The following PHF20L1 variants were observed in gnomAD, a reference collection of about 807,000 sequenced individuals.
The protein encoded by PHF20L1 is PHD finger protein 20 like 1.
A neutral mutation model predicts 125.5 loss-of-function variants in PHF20L1; 44 were observed. The observed-to-expected ratio is 0.35, with a 90% CI of 0.28 to 0.45. The LOEUF is 0.45. Ranked by LOEUF, PHF20L1 falls within the 20% of genes least tolerant of loss-of-function variation. PHF20L1 has a pLI of 1.00. For missense variants in PHF20L1, 1,012 were observed against 1,217.2 expected, an observed-to-expected ratio of 0.83 and a Z score of 2.51; for synonymous variants, 380 against 403.1, an observed-to-expected ratio of 0.94 and a Z score of 0.69.
At chr8:132,810,792 G>A (rs770120641) in intron 8 of PHF20L1, 19 of 401,854 alleles carry the variant, frequency 4.7e-5, no homozygotes, top group African/African-American at 3.7e-4. Context: ...GTGTGTGCAA[G>A]TGTGTGTTTT....
chr8:132,811,863 G>T, intron 9 of PHF20L1: 3 of 980,750 alleles, frequency 3.1e-6, no homozygotes, highest in Non-Finnish European at 3.6e-6. Context: ...GAGCCTTAAT[G>T]TAGTTTTAAT....
intron 2 of PHF20L1, among the ~76,000 whole-genome samples, chr8:132,792,848 A>G (rs889784898): frequency 1.3e-5 from 2 of 152,076 alleles, no homozygotes; most frequent in African/African-American, 2.4e-5. Context: ...CTCTAGTAAC[A>G]CTGAATGCTT....
rs1023035922 is a variant in PHF20L1 at position 132,777,833 on chromosome 8, G to C, written c.5G>C (p.Ser2Thr). 1.2e-6 allele frequency: 2 copies of C among 1,610,436 alleles called. No individual in the cohort carries two copies. Among genetic ancestry groups the C allele is most frequent in the Non-Finnish European group, 1.7e-6 (2 of 1,176,870 alleles). ...ACTGAAGAATAGGATCTCAAGATGA[G>C]TAAAAAGCCCCCAAATCGCCCTGGA... Reference protein sequence around the residue: MSKKPPNRPGIT... With the variant: MTKKPPNRPGIT... Residue 2 changes from serine to threonine, a missense_variant, in exon 2 of 21, where the codon AGT becomes ACT. This residue lies in a region of PHF20L1 where 94 missense variants were observed against 179.5 expected (regional missense o/e 0.52). Coordinates refer to ENST00000395386, the MANE Select transcript of PHF20L1 (RefSeq NM_016018.5).
intron 19 of PHF20L1, chr8:132,843,368 C>T (rs928495508): frequency 5.8e-5 from 57 of 978,814 alleles, no homozygotes; most frequent in Non-Finnish European, 6.7e-5. Context: ...AACTTATTTC[C>T]TGTTCACTGG....
At chr8:132,784,026 T>G (rs921084704) in intron 2 of PHF20L1, among the ~76,000 whole-genome samples, 13 of 152,140 alleles carry the variant, frequency 8.5e-5, no homozygotes, top group Non-Finnish European at 1.8e-4. Context: ...TGCACAAACA[T>G]TTTACTTCTT....
chr8:132,811,684 A>C, intron 9 of PHF20L1: 3 of 985,366 alleles, frequency 3.0e-6, no homozygotes, highest in Non-Finnish European at 3.6e-6. Flanking sequence ...TGAAGGTTGC[A>C]GTTGCTAGAT....
chr8:132,787,879 T>A (rs1265545930), intron 2 of PHF20L1, among the ~76,000 whole-genome samples: 1 of 152,142 alleles, frequency 6.6e-6, no homozygotes, highest in Admixed American at 6.5e-5. Context: ...TGTGTTAATT[T>A]TTGTTATTTG....
chr8:132,834,096 C>T (rs910359439), intron 15 of PHF20L1, among the ~76,000 whole-genome samples: 4 of 152,098 alleles, frequency 2.6e-5, no homozygotes, highest in African/African-American at 9.7e-5. Flanking sequence ...GTCTAGGTGG[C>T]TATTCAAGCG....
chr8:132,834,361 G>T (rs1466867941), intron 15 of PHF20L1, among the ~76,000 whole-genome samples: 1 of 152,000 alleles, frequency 6.6e-6, no homozygotes, highest in African/African-American at 2.4e-5. Context: ...ATTGAGGCAA[G>T]ATCTTGCTCT....
At chr8:132,827,578 G>A (rs115808226) in intron 14 of PHF20L1, among the ~76,000 whole-genome samples, 86 of 152,050 alleles carry the variant, frequency 5.7e-4, no homozygotes, top group African/African-American at 2.0e-3. Flanking sequence ...AAATAAGAAG[G>A]GGCCCACACT....
chr8:132,810,979 G>A, intron 8 of PHF20L1, 67 bp from the exon 9 acceptor site: 2 of 941,754 alleles, frequency 2.1e-6, no homozygotes, highest in Non-Finnish European at 3.5e-6. Flanking sequence ...TAAGATTTTT[G>A]CAAAGTTAAT....
At chr8:132,845,551 A>AT (rs1266884298) in intron 20 of PHF20L1, among the ~76,000 whole-genome samples, 27 of 151,992 alleles carry the variant, frequency 1.8e-4, no homozygotes, top group Non-Finnish European at 3.4e-4. Flanking sequence ...TATATATATA[A>AT]AGGGGAAAAT....
At chr8:132,838,174 G>C (rs572805749) in intron 17 of PHF20L1, 65 of 196,386 alleles carry the variant, frequency 3.3e-4, no homozygotes, top group African/African-American at 1.3e-3. Flanking sequence ...TGATTACTTA[G>C]ACAAATACAT....
chr8:132,844,879 A>C (rs1446317183), intron 20 of PHF20L1, among the ~76,000 whole-genome samples: 1 of 152,064 alleles, frequency 6.6e-6, no homozygotes. Flanking sequence ...TTCTCAGTCC[A>C]TGTTGTTCTT....
At chr8:132,832,896 A>G (rs1298120272) in intron 15 of PHF20L1, among the ~76,000 whole-genome samples, 4 of 152,172 alleles carry the variant, frequency 2.6e-5, no homozygotes, top group Admixed American at 6.6e-5. Context: ...ATGTAGTCAG[A>G]CAACTGATTT....
At chr8:132,781,665 T>G (rs1009357704) in intron 2 of PHF20L1, among the ~76,000 whole-genome samples, 1 of 152,174 alleles carries the variant, frequency 6.6e-6, no homozygotes, top group East Asian at 1.9e-4. Context: ...TCTCTTGACC[T>G]TGTGATGTGC....
At chr8:132,841,568 A>T (rs17609732) in intron 18 of PHF20L1, 1 of 152,010 alleles carries the variant, frequency 6.6e-6, no homozygotes, top group Non-Finnish European at 1.5e-5. Flanking sequence ...AAAGGTTTAT[A>T]TCTCCCGAAT....
At position 132,811,270 on chromosome 8, in the gene PHF20L1, G is replaced by A. The variant is rs962540504; in HGVS notation, c.930+142G>A. 9 of 1,428,820 alleles carry A rather than the reference G, an allele frequency of 6.3e-6. No individual in the cohort carries two copies. In the African/African-American group the frequency reaches 1.0e-4, roughly 16 times the overall value. The allele number at this position is 1,428,820 out of a possible 1,614,324, so 88.5% of individuals were successfully genotyped here. On this transcript the variant is annotated intron_variant, in intron 9 of 20. Coordinates refer to ENST00000395386, the MANE Select transcript of PHF20L1 (RefSeq NM_016018.5). ...TAATTGATGATATATTTTTAACTCT[G>A]CCTTCTCCAAGGTATACAGATAACT...
intron 6 of PHF20L1, among the ~76,000 whole-genome samples, chr8:132,802,546 G>A (rs543589758): frequency 5.3e-5 from 8 of 151,778 alleles, no homozygotes; most frequent in East Asian, 1.9e-4. Flanking sequence ...CCTTATGGAC[G>A]GGACCAGTCT....
Sources: gnomAD v4.1 joint callset for allele counts (sites outside exome capture counted in the v4.1 genomes callset) on GRCh38, gnomAD v4.1.1 for gene constraint, gnomAD v4.1.1 regional missense constraint, MANE v1.5 for transcripts, NCBI Gene and HGNC (gene_info 2026-07-23, HGNC 2026-07-21) for gene names.